The following ST7 variants were observed in gnomAD, a reference collection of about 807,000 sequenced individuals.
ST7 encodes suppression of tumorigenicity 7.
In ST7, 28 loss-of-function variants were observed where a neutral mutation model predicts 78.7. The observed-to-expected ratio is 0.36, with a 90% confidence interval of 0.26 to 0.49. The LOEUF (loss-of-function observed/expected upper bound fraction) is 0.49. Among genes scored for constraint, ST7 ranks in the 20% least tolerant of loss-of-function variants. ST7 has a pLI of 0.99. For synonymous variants in ST7, 247 were observed against 249.6 expected (o/e 0.99, Z 0.10); for missense variants, 418 against 696.0 (o/e 0.60, Z 4.49).
chr7:117,141,072 G>A (rs1805250491), intron 9 of ST7, among the ~76,000 whole-genome samples: 1 of 152,160 alleles, frequency 6.6e-6, no homozygotes, highest in African/African-American at 2.4e-5. Flanking sequence ...TCCTTTAACA[G>A]CATGCACATA....
intron 9 of ST7, among the ~76,000 whole-genome samples, chr7:117,163,259 G>T (rs973399923): frequency 3.3e-5 from 5 of 152,094 alleles, no homozygotes; most frequent in Admixed American, 3.3e-4. Context: ...ATGTCTCTTC[G>T]ATATACTAAT....
intron 1 of ST7, among the ~76,000 whole-genome samples, chr7:117,094,809 T>C (rs910301586): frequency 1.3e-5 from 2 of 152,210 alleles, no homozygotes; most frequent in Admixed American, 6.5e-5. Context: ...CATTGTTTTT[T>C]TGTTTGTTTT....
At chr7:117,017,691 A>G (rs1316643276) in intron 1 of ST7, among the ~76,000 whole-genome samples, 2 of 151,990 alleles carry the variant, frequency 1.3e-5, no homozygotes, top group Non-Finnish European at 2.9e-5. Flanking sequence ...ATTTTTCTTC[A>G]TTACATTTTC....
At chr7:117,007,418 G>A (rs1361659155) in intron 1 of ST7, among the ~76,000 whole-genome samples, 1 of 152,206 alleles carries the variant, frequency 6.6e-6, no homozygotes, top group Admixed American at 6.5e-5. Flanking sequence ...TGAGAGAGGT[G>A]AGGAAGCTGC....
chr7:117,089,959 T>A (rs1800474107), intron 1 of ST7, among the ~76,000 whole-genome samples: 1 of 152,226 alleles, frequency 6.6e-6, no homozygotes, highest in Non-Finnish European at 1.5e-5. Flanking sequence ...AGTCAAAGAT[T>A]GAAATATGTT....
intron 1 of ST7, among the ~76,000 whole-genome samples, chr7:116,993,653 T>C (rs1279193799): frequency 6.6e-6 from 1 of 152,272 alleles, no homozygotes; most frequent in Non-Finnish European, 1.5e-5. Flanking sequence ...GTGTTTGGCA[T>C]GGGCCAGGAG....
chr7:117,103,541 A>G (rs1801723793), intron 2 of ST7, among the ~76,000 whole-genome samples: 1 of 152,236 alleles, frequency 6.6e-6, no homozygotes, highest in Non-Finnish European at 1.5e-5. Flanking sequence ...AAAACTGAAT[A>G]ACCATATGTT....
chr7:117,091,045 C>T (rs549667369), intron 1 of ST7, among the ~76,000 whole-genome samples: 9 of 152,200 alleles, frequency 5.9e-5, no homozygotes, highest in Non-Finnish European at 1.2e-4. Context: ...ATGCCCAGTA[C>T]AGCAGAAACA....
intron 2 of ST7, 146 bp downstream of exon 2, chr7:117,099,990 C>T (rs1801448938): frequency 4.1e-6 from 2 of 484,640 alleles, no homozygotes; most frequent in Admixed American, 4.3e-5. Context: ...GGAGTGGACT[C>T]ATAGAAGCCT....
At chr7:116,998,344 G>C (rs1219519583) in intron 1 of ST7, among the ~76,000 whole-genome samples, 1 of 152,214 alleles carries the variant, frequency 6.6e-6, no homozygotes, top group East Asian at 1.9e-4. Context: ...GCCCGCAAGT[G>C]CCGTGTGCAG....
intron 1 of ST7, among the ~76,000 whole-genome samples, chr7:117,023,499 TG>T (rs928916345): frequency 6.6e-6 from 1 of 152,188 alleles, no homozygotes; most frequent in African/African-American, 2.4e-5. Context: ...CACTTTGAAA[TG>T]GGTGTTCTAT....
chr7:116,995,193 A>G (rs1794598442), intron 1 of ST7, among the ~76,000 whole-genome samples: 1 of 152,230 alleles, frequency 6.6e-6, no homozygotes, highest in African/African-American at 2.4e-5. Context: ...CATAGATGGA[A>G]GACAGAAAAG....
intron 13 of ST7, among the ~76,000 whole-genome samples, chr7:117,212,169 T>G (rs977656682): frequency 2.0e-5 from 3 of 152,230 alleles, no homozygotes; most frequent in Admixed American, 6.5e-5. Context: ...CCACGAACCT[T>G]GAAGAGTGTT....
At chr7:117,209,682 A>G (rs1792126909) in intron 12 of ST7, 105 bp from the exon 13 acceptor site, 1 of 1,317,520 alleles carries the variant, frequency 7.6e-7, no homozygotes, top group Non-Finnish European at 1.0e-6. Flanking sequence ...GTTTAATGAA[A>G]TGCTTATAAG....
At position 116,956,978 on chromosome 7, in the gene ST7, T is replaced by A. The variant is rs145587973; in HGVS notation, c.151+3287T>A. 2.7e-3 allele frequency: 560 copies of A among 203,644 alleles called. 1 individual carries two copies. The highest frequency in any genetic ancestry group is 4.7e-3 in the Non-Finnish European group (466 of 100,098). 12.6% of individuals were successfully genotyped at this position (203,644 alleles called of 1,614,324 possible). A position where few individuals can be genotyped will look rare whatever the true frequency, so the allele number is the denominator to read the frequency against. On this transcript the variant is annotated intron_variant, in intron 1 of 15. Coordinates refer to ENST00000323984, the MANE Select transcript of ST7 (RefSeq NM_001369598.1). ...GGACCTCCCAAACAAAGGGACAAAG[T>A]TGTGAAAGTGCAGGTCAGATTCAGA...
At chr7:117,069,993 A>G (rs1452707085) in intron 1 of ST7, among the ~76,000 whole-genome samples, 2 of 152,220 alleles carry the variant, frequency 1.3e-5, no homozygotes, top group Non-Finnish European at 2.9e-5. Context: ...TTTTCTAATC[A>G]CCAAATGAAA....
At chr7:117,012,726 C>T (rs747544432) in intron 1 of ST7, among the ~76,000 whole-genome samples, 4 of 151,618 alleles carry the variant, frequency 2.6e-5, no homozygotes, top group Admixed American at 1.3e-4. Flanking sequence ...TGTAAGTAAA[C>T]CAAGGCTCAG....
intron 1 of ST7, among the ~76,000 whole-genome samples, chr7:116,974,081 A>T (rs897255004): frequency 6.6e-6 from 1 of 152,088 alleles, no homozygotes; most frequent in Non-Finnish European, 1.5e-5. Flanking sequence ...GGAGAGCCTT[A>T]TTGACATTGG....
At chr7:117,054,404 T>C (rs975373701) in intron 1 of ST7, among the ~76,000 whole-genome samples, 1 of 152,170 alleles carries the variant, frequency 6.6e-6, no homozygotes, top group Non-Finnish European at 1.5e-5. Flanking sequence ...CAGGAACTGC[T>C]CTTTCTTACT....
Sources: allele counts gnomAD v4.1 joint callset (sites outside exome capture counted in the v4.1 genomes callset), GRCh38; gene constraint gnomAD v4.1.1; transcripts MANE v1.5; gene names NCBI Gene and HGNC (gene_info 2026-07-23, HGNC 2026-07-21).